DBI: variants seen among roughly 807,000 people sequenced by gnomAD.
The protein encoded by DBI is diazepam binding inhibitor, acyl-CoA binding protein.
DBI carries 12 observed loss-of-function variants against 13.0 expected under a neutral mutation model. That is an observed-to-expected ratio of 0.92 (90% CI 0.59 to 1.49). DBI has a LOEUF of 1.49. Among genes scored for constraint, DBI ranks in the 40% most tolerant of loss-of-function variants. The pLI, the probability that DBI is intolerant of heterozygous loss-of-function variation, is 0.00. For synonymous variants in DBI, 37 were observed against 37.4 expected (o/e 0.99, Z 0.04); for missense variants, 95 against 104.8 (o/e 0.91, Z 0.41).
At chr2:119,371,662 T>A (rs1681525467) in intron 3 of DBI, among the ~76,000 whole-genome samples, 1 of 152,240 alleles carries the variant, frequency 6.6e-6, no homozygotes, top group African/African-American at 2.4e-5. Flanking sequence ...CTCTGAGGGA[T>A]ACATTCAGTG....
At chr2:119,370,708 C>A in intron 2 of DBI, 32 bp from the exon 3 acceptor site, 1 of 1,601,212 alleles carries the variant, frequency 6.2e-7, no homozygotes, top group Non-Finnish European at 8.5e-7. Flanking sequence ...GAATTTGAAC[C>A]AGATCTAATG....
Position 119,368,240 on chromosome 2 carries a change from C to A in DBI, c.62C>A (p.Ser21Ter). Residue 21 changes from serine (S) to a stop codon, truncating the protein, a stop_gained, in exon 2 of 4, where the codon TCG (serine) becomes TAG (stop). Coordinates refer to ENST00000355857, the MANE Select transcript of DBI (RefSeq NM_001079862.4). LOFTEE classifies it high-confidence loss of function. ...GTTAGGCACCTTAAGACCAAGCCAT[C>A]GGATGAGGAGATGCTGTTCATCTAT... ...EEVRHLKTKP[S>*]DEEMLFIYGH... The A allele has an allele frequency of 6.2e-7, 1 of 1,614,060 alleles. No homozygotes were observed. Among genetic ancestry groups the A allele is most frequent in the Non-Finnish European group, 8.5e-7 (1 of 1,180,026 alleles).
intron 1 of DBI, chr2:119,367,583 C>A: frequency 6.2e-7 from 1 of 1,614,130 alleles, no homozygotes; most frequent in African/African-American, 1.3e-5. Context: ...TGAGACCGAG[C>A]TATGTGGGGC....
At chr2:119,370,926 C>A in intron 3 of DBI, 124 bp downstream of exon 3, 1 of 830,332 alleles carries the variant, frequency 1.2e-6, no homozygotes, top group Non-Finnish European at 1.9e-6. Flanking sequence ...ACCAGCCTGA[C>A]CTGTGCCAGA....
At chr2:119,367,622 C>A (rs200535268) in intron 1 of DBI, 10 of 1,611,092 alleles carry the variant, frequency 6.2e-6, no homozygotes, top group African/African-American at 2.8e-5. Flanking sequence ...CCTGCCTCTG[C>A]CAATCCGGGC....
chr2:119,371,730 C>G (rs1681530391), intron 3 of DBI, among the ~76,000 whole-genome samples: 2 of 152,234 alleles, frequency 1.3e-5, no homozygotes, highest in Non-Finnish European at 2.9e-5. Context: ...AAGAAGCAGC[C>G]ACTTTTGGTC....
chr2:119,368,268 C>T lies in DBI; in HGVS notation c.90C>T (p.Gly30=). 1.2e-6 allele frequency: 2 copies of T among 1,614,022 alleles called. No individual in the cohort carries two copies. The highest frequency in any genetic ancestry group is 1.1e-5 in the South Asian group (1 of 91,078). ...ATGAGGAGATGCTGTTCATCTATGG[C>T]CACTACAAACAAGCAACTGTGGGCG... ...PSDEEMLFIY[G]HYKQATVGDI... Residue 30 remains glycine, a synonymous_variant, in exon 2 of 4, where the codon GGC becomes GGT. Transcript: ENST00000355857.
In DBI at chr2:119,372,331, G is replaced by A. The variant is rs188178195; in HGVS notation, c.*13G>A. The A allele has an allele frequency of 2.5e-6, 4 of 1,593,612 alleles. No homozygotes were observed. The highest frequency in any genetic ancestry group is 3.4e-6 in the Non-Finnish European group (4 of 1,161,592). The stretch of plus-strand genomic sequence containing the variant: ...ATACGGGATATGAGAGACTGGATTT[G>A]GTTACTGTGCCATGTGTTTATCCTA... On this transcript the variant is annotated 3_prime_UTR_variant, in exon 4 of 4. Transcript: ENST00000355857.
intron 3 of DBI, among the ~76,000 whole-genome samples, chr2:119,371,169 C>T (rs1681491812): frequency 6.6e-6 from 1 of 152,184 alleles, no homozygotes; most frequent in Non-Finnish European, 1.5e-5. Context: ...GACCCCCTAA[C>T]CCCAGTGGCC....
intron 1 of DBI, chr2:119,367,520 C>T (rs983458596): frequency 6.2e-7 from 1 of 1,602,286 alleles, no homozygotes; most frequent in East Asian, 2.2e-5. Context: ...AATCGCGGCC[C>T]GGGGAGAGGT....
chr2:119,370,596 C>T, intron 2 of DBI, 144 bp from the exon 3 acceptor site: 1 of 609,350 alleles, frequency 1.6e-6, no homozygotes, highest in Non-Finnish European at 2.8e-6. Flanking sequence ...TAGGGCAGAA[C>T]CCACTCTACT....
At chr2:119,372,203 C>A in intron 3 of DBI, 42 bp from the exon 4 acceptor site, 2 of 1,511,214 alleles carry the variant, frequency 1.3e-6, no homozygotes, top group South Asian at 1.1e-5. Context: ...TGTTTCCTAC[C>A]ATGCTACCTC....
chr2:119,367,558 G>T (rs775432478), intron 1 of DBI: 1 of 1,614,120 alleles, frequency 6.2e-7, no homozygotes, highest in South Asian at 1.1e-5. Context: ...CTTCTCTCCA[G>T]TGTAGACCCT....
intron 1 of DBI, chr2:119,367,316 G>T: frequency 7.0e-7 from 1 of 1,437,832 alleles, no homozygotes; most frequent in Non-Finnish European, 9.1e-7. Flanking sequence ...GCGGGAGAGG[G>T]GTGGGAGTCG....
intron 2 of DBI, chr2:119,370,518 G>A (rs1032258206): frequency 5.4e-6 from 2 of 372,624 alleles, no homozygotes; most frequent in Admixed American, 4.5e-5. Flanking sequence ...AGGCTATCTT[G>A]TAATAAGAAT....
At position 119,372,430 on chromosome 2, in the gene DBI, C is replaced by A; in HGVS notation, c.*112C>A. On this transcript the variant is annotated 3_prime_UTR_variant, in exon 4 of 4. Coordinates refer to ENST00000355857, the MANE Select transcript of DBI (RefSeq NM_001079862.4). ...TCGGGAAAATAACCAGTTAAACCAGCTACTCAAGGCTGCTCACCATACGGC... is the reference window on the plus strand; with the variant it reads ...TCGGGAAAATAACCAGTTAAACCAGATACTCAAGGCTGCTCACCATACGGC... The A allele has an allele frequency of 1.3e-6, 1 of 768,294 alleles. No individual in the cohort carries two copies. Among genetic ancestry groups the A allele is most frequent in the Non-Finnish European group, 2.2e-6 (1 of 448,378 alleles). The allele number at this position is 768,294 out of a possible 1,614,324, so 47.6% of individuals were successfully genotyped here. A position where few individuals can be genotyped will look rare whatever the true frequency, so the allele number is the denominator to read the frequency against.
Position 119,368,250 on chromosome 2 carries a change from G to A in DBI, c.72G>A (p.Glu24=). ...RHLKTKPSDE[E]MLFIYGHYKQ... The stretch of plus-strand genomic sequence containing the variant: ...TTAAGACCAAGCCATCGGATGAGGA[G>A]ATGCTGTTCATCTATGGCCACTACA... Residue 24 remains glutamate, a synonymous_variant, in exon 2 of 4, where the codon GAG becomes GAA. Transcript: ENST00000355857. 1 of 1,614,154 alleles carries A rather than the reference G, an allele frequency of 6.2e-7. No homozygotes were observed. Among genetic ancestry groups the A allele is most frequent in the Non-Finnish European group, 8.5e-7 (1 of 1,180,026 alleles).
At chr2:119,370,355 G>A (rs1277623272) in intron 2 of DBI, 1 of 156,748 alleles carries the variant, frequency 6.4e-6, no homozygotes, top group Non-Finnish European at 1.4e-5. Flanking sequence ...GAGAAATTGG[G>A]TAGCTAACAG....
chr2:119,367,729 C>A (rs1681148118), intron 1 of DBI: 10 of 1,608,402 alleles, frequency 6.2e-6, no homozygotes, highest in Non-Finnish European at 8.5e-6. Flanking sequence ...TGCCCTGTCC[C>A]CTTTCAGCTG....
Sources: allele counts gnomAD v4.1 joint callset (sites outside exome capture counted in the v4.1 genomes callset), GRCh38; gene constraint gnomAD v4.1.1; transcripts MANE v1.5; gene names NCBI Gene and HGNC (gene_info 2026-07-23, HGNC 2026-07-21).